Variants in LRRC7 observed in about 807,000 individuals in gnomAD.
The protein encoded by LRRC7 is leucine rich repeat containing 7.
A neutral mutation model predicts 175.7 loss-of-function variants in LRRC7; 23 were observed. The observed-to-expected ratio is 0.13, with a 90% CI of 0.09 to 0.19. The LOEUF (loss-of-function observed/expected upper bound fraction) is 0.19. LRRC7 is among the 10% of genes least tolerant of loss of function. The probability of loss-of-function intolerance (pLI) is 1.00; values close to 1 mark genes in which losing one functional copy is unlikely to be tolerated. For missense variants in LRRC7, 1,354 were observed against 1,904.7 expected, an observed-to-expected ratio of 0.71 and a Z score of 5.38; for synonymous variants, 685 against 680.9, an observed-to-expected ratio of 1.01 and a Z score of -0.09.
At chr1:69,793,649 T>G (rs1675387531) in intron 4 of LRRC7, among the ~76,000 whole-genome samples, 1 of 152,020 alleles carries the variant, frequency 6.6e-6, no homozygotes, top group Non-Finnish European at 1.5e-5. Context: ...TTTTCTTATA[T>G]GAAAAACTGA....
intron 3 of LRRC7, among the ~76,000 whole-genome samples, chr1:69,788,053 A>G (rs541237503): frequency 6.6e-6 from 1 of 151,526 alleles, no homozygotes; most frequent in African/African-American, 2.4e-5. Context: ...GCTGAGAAAT[A>G]CATGTATCCC....
intron 4 of LRRC7, among the ~76,000 whole-genome samples, chr1:69,813,192 T>C (rs1678161467): frequency 6.6e-6 from 1 of 152,118 alleles, no homozygotes; most frequent in Non-Finnish European, 1.5e-5. Context: ...AATTCTATAG[T>C]CAATTATCAG....
At chr1:69,942,557 G>A (rs1047247257) in intron 8 of LRRC7, among the ~76,000 whole-genome samples, 15 of 151,956 alleles carry the variant, frequency 9.9e-5, no homozygotes, top group Admixed American at 4.6e-4. Context: ...AGGCACTAGA[G>A]GAGAATCCAT....
intron 2 of LRRC7, among the ~76,000 whole-genome samples, chr1:69,680,254 A>C (rs1660308464): frequency 6.6e-6 from 1 of 152,136 alleles, no homozygotes; most frequent in Admixed American, 6.6e-5. Flanking sequence ...TTCTGATGTA[A>C]GCTCAAGCTT....
chr1:69,760,349 G>A lies in LRRC7; in HGVS notation c.259G>A (p.Glu87Lys), dbSNP rs745493022. 6.2e-7 allele frequency: 1 copy of A among 1,612,684 alleles called. No individual in the cohort carries two copies. The highest frequency in any genetic ancestry group is 1.7e-5 in the Admixed American group (1 of 59,816). ...KEVFNFERTL[E>K]ELYLDANQIE... ...GGTCTTTAACTTCGAACGAACATTA[G>A]AGGAGCTTTATCTAGATGCCAATCA... The change falls in exon 3 of 27, where the codon GAG becomes AAG. Residue 87 changes from glutamate (E) to lysine (K), a missense_variant. This residue lies in a region of LRRC7 where 201 missense variants were observed against 481.4 expected (regional missense o/e 0.42). Coordinates refer to ENST00000651989, the MANE Select transcript of LRRC7 (RefSeq NM_001370785.2).
intron 11 of LRRC7, among the ~76,000 whole-genome samples, chr1:70,003,348 C>T (rs1292857837): frequency 1.3e-5 from 2 of 152,168 alleles, no homozygotes; most frequent in Non-Finnish European, 2.9e-5. Flanking sequence ...CAGTCCATAA[C>T]ATATATCTTT....
At position 70,139,052 on chromosome 1, in the gene LRRC7, C is replaced by T. The variant is rs1218064988; in HGVS notation, c.*17165C>T. 6.6e-6 allele frequency: 1 copy of T among 152,150 alleles called. No individual in the cohort carries two copies. The highest frequency in any genetic ancestry group is 2.4e-5 in the African/African-American group (1 of 41,450). 9.4% of individuals were successfully genotyped at this position (152,150 alleles called of 1,614,324 possible). ...TATGTAGCTTCAATTAGTCCTGCAT[C>T]AGGTTATTCTAATGCTTCCTACTGC... On this transcript the variant is annotated 3_prime_UTR_variant, in exon 27 of 27. Transcript: ENST00000651989.
At chr1:69,853,520 G>T (rs879684977) in intron 7 of LRRC7, among the ~76,000 whole-genome samples, 1 of 151,906 alleles carries the variant, frequency 6.6e-6, no homozygotes, top group Non-Finnish European at 1.5e-5. Flanking sequence ...CTTGTGATCC[G>T]CCCACCTTGG....
intron 1 of LRRC7, among the ~76,000 whole-genome samples, chr1:69,605,360 T>G (rs1246022650): frequency 6.6e-6 from 1 of 152,170 alleles, no homozygotes; most frequent in African/African-American, 2.4e-5. Flanking sequence ...ATAAATTACC[T>G]AGTCTGGGGT....
At chr1:69,627,844 A>G (rs918279110) in intron 1 of LRRC7, among the ~76,000 whole-genome samples, 4 of 152,034 alleles carry the variant, frequency 2.6e-5, no homozygotes, top group Non-Finnish European at 5.9e-5. Flanking sequence ...GAATTGGAAT[A>G]TAATTTGGTA....
intron 23 of LRRC7, 149 bp downstream of exon 23, chr1:70,053,294 A>G: frequency 1.5e-6 from 1 of 668,872 alleles, no homozygotes; most frequent in East Asian, 3.3e-5. Context: ...GGTTGACTGT[A>G]AGTACATTGA....
At chr1:70,117,254 G>C (rs636429) in intron 26 of LRRC7, among the ~76,000 whole-genome samples, 94,732 of 152,050 alleles carry the variant, frequency 0.62, 29,626 homozygotes, top group Middle Eastern at 0.66. Context: ...TTTAAGCTTA[G>C]AGCTTTGGAT....
chr1:70,078,151 G>A (rs184757352), intron 24 of LRRC7, among the ~76,000 whole-genome samples: 149 of 152,176 alleles, frequency 9.8e-4, no homozygotes, highest in Non-Finnish European at 1.7e-3. Flanking sequence ...TTGATTACAC[G>A]TTCTGTGCAT....
chr1:69,809,848 T>A (rs1677608036), intron 4 of LRRC7, among the ~76,000 whole-genome samples: 1 of 152,030 alleles, frequency 6.6e-6, no homozygotes, highest in Non-Finnish European at 1.5e-5. Flanking sequence ...AGCATTCCCT[T>A]TTTAAACCAG....
Position 69,994,576 on chromosome 1 carries a change from T to A in LRRC7, c.947T>A (p.Leu316Gln). 6.2e-7 allele frequency: 1 copy of A among 1,609,672 alleles called. No individual in the cohort carries two copies. Among genetic ancestry groups the A allele is most frequent in the Non-Finnish European group, 8.5e-7 (1 of 1,176,996 alleles). The part of the protein sequence containing the change: ...LPDSIGLLKK[L>Q]TTLKVDDNQL... ...TCTGCTTTAGGACTTTTGAAAAAACTAACAACTCTAAAAGTAGATGACAAT... is the reference window on the plus strand; with the variant it reads ...TCTGCTTTAGGACTTTTGAAAAAACAAACAACTCTAAAAGTAGATGACAAT... The change falls in exon 11 of 27, where the codon CTA (leucine) becomes CAA (glutamine). Residue 316 changes from leucine to glutamine, a missense_variant. Physicochemically the swap from Leu to Gln is moderately radical, Grantham distance 113. This residue lies in a region of LRRC7 where 201 missense variants were observed against 481.4 expected (regional missense o/e 0.42). Coordinates refer to ENST00000651989, the MANE Select transcript of LRRC7 (RefSeq NM_001370785.2).
chr1:69,839,611 G>A (rs1681504166), intron 7 of LRRC7, among the ~76,000 whole-genome samples: 1 of 152,042 alleles, frequency 6.6e-6, no homozygotes, highest in Admixed American at 6.6e-5. Context: ...TGGAAACATG[G>A]CTAACTGGAA....
intron 11 of LRRC7, among the ~76,000 whole-genome samples, chr1:70,007,552 A>G (rs1160233797): frequency 6.6e-6 from 1 of 152,234 alleles, no homozygotes; most frequent in Non-Finnish European, 1.5e-5. Context: ...ATTAAACATT[A>G]GAAACACTGA....
At chr1:70,009,531 G>C (rs1656305311) in intron 11 of LRRC7, among the ~76,000 whole-genome samples, 1 of 151,668 alleles carries the variant, frequency 6.6e-6, no homozygotes, top group Non-Finnish European at 1.5e-5. Flanking sequence ...AATTTAACCG[G>C]TTTACTGATA....
Position 70,132,949 on chromosome 1 carries a change from G to A in LRRC7, c.*11062G>A, listed in dbSNP as rs989674399. ...ATTCTTAAATTCCTGGAGCGAAGGG[G>A]TGAACATTTCCCTCTGTAACCCACC... is the stretch of plus-strand genomic sequence containing the variant. On this transcript the variant is annotated 3_prime_UTR_variant, in exon 27 of 27. Coordinates refer to ENST00000651989, the MANE Select transcript of LRRC7 (RefSeq NM_001370785.2). 6.6e-6 allele frequency among the ~76,000 whole-genome samples: 1 copy of A among 152,096 alleles called. No individual in the cohort carries two copies. The highest frequency in any genetic ancestry group is 1.5e-5 in the Non-Finnish European group (1 of 68,022).
Sources: gnomAD v4.1 joint callset for allele counts (sites outside exome capture counted in the v4.1 genomes callset) on GRCh38, gnomAD v4.1.1 for gene constraint, gnomAD v4.1.1 regional missense constraint, MANE v1.5 for transcripts, NCBI Gene and HGNC (gene_info 2026-07-23, HGNC 2026-07-21) for gene names.